PBX3: variants seen among roughly 807,000 people sequenced by gnomAD.
PBX3 encodes pre-B-cell leukemia transcription factor 3.
A neutral mutation model predicts 48.5 loss-of-function variants in PBX3; 14 were observed. The observed-to-expected ratio is 0.29, with a 90% confidence interval of 0.19 to 0.45. The LOEUF is 0.45. PBX3 is among the 20% of genes least tolerant of loss of function. The pLI is 1.00. For synonymous variants in PBX3, 210 were observed against 200.3 expected (o/e 1.05, Z -0.41); for missense variants, 386 against 546.7 (o/e 0.71, Z 2.93).
chr9:125,843,738 C>T (rs1839349761), intron 2 of PBX3: 3 of 447,322 alleles, frequency 6.7e-6, no homozygotes, highest in South Asian at 3.2e-5. Flanking sequence ...CATGGTGCAG[C>T]GAGGTCATAA....
At chr9:125,924,860 G>A (rs563546879) in intron 3 of PBX3, among the ~76,000 whole-genome samples, 20 of 152,236 alleles carry the variant, frequency 1.3e-4, no homozygotes, top group Non-Finnish European at 2.2e-4. Context: ...CCTTGGCATG[G>A]AAGGCTTACT....
At chr9:125,840,597 C>G (rs994274780) in intron 2 of PBX3, among the ~76,000 whole-genome samples, 1 of 151,756 alleles carries the variant, frequency 6.6e-6, no homozygotes, top group Non-Finnish European at 1.5e-5. Flanking sequence ...CTTAACTCCT[C>G]GATCTCCTTG....
intron 2 of PBX3, among the ~76,000 whole-genome samples, chr9:125,846,359 A>T (rs1839426204): frequency 6.6e-6 from 1 of 152,052 alleles, no homozygotes; most frequent in Admixed American, 6.6e-5. Context: ...TATGTTGGTG[A>T]ATGTATAGGG....
At chr9:125,945,347 A>G (rs1241624907) in intron 5 of PBX3, among the ~76,000 whole-genome samples, 1 of 152,132 alleles carries the variant, frequency 6.6e-6, no homozygotes, top group Non-Finnish European at 1.5e-5. Context: ...AATAGTAATT[A>G]TTGTTACGCA....
At chr9:125,882,690 A>T (rs1840409482) in intron 2 of PBX3, among the ~76,000 whole-genome samples, 2 of 152,220 alleles carry the variant, frequency 1.3e-5, no homozygotes, top group Admixed American at 1.3e-4. Flanking sequence ...TGGATATTAG[A>T]TGGTAGAAGT....
At chr9:125,907,469 CTT>C (rs1841101277) in intron 2 of PBX3, among the ~76,000 whole-genome samples, 1 of 151,976 alleles carries the variant, frequency 6.6e-6, no homozygotes, top group East Asian at 1.9e-4. Context: ...TAAAAAAAGA[CTT>C]TAATTCATAT....
chr9:125,814,541 C>G (rs1019282140), intron 2 of PBX3, among the ~76,000 whole-genome samples: 5 of 152,152 alleles, frequency 3.3e-5, no homozygotes, highest in African/African-American at 1.2e-4. Context: ...TTCCCATTAA[C>G]AGATAGATGC....
In PBX3 at chr9:125,962,112, TTC is replaced by T; in HGVS notation, c.1022_1023del (p.Ser341PhefsTer2). On this transcript the variant is annotated frameshift_variant, in exon 7 of 9. Coordinates refer to ENST00000373489, the MANE Select transcript of PBX3 (RefSeq NM_006195.6). LOFTEE classifies it high-confidence loss of function. The part of the protein sequence containing the change: ...PTTPNSGSSG[S>X]FNLPNSGDMF... ...CTCTTTCCTTTCCAGGTTCTTCTGG[TTC>T]TTTTAACCTCCCAAATTCTGGGGAC... 1 of 1,592,712 alleles carries T rather than the reference TTC, an allele frequency of 6.3e-7. No homozygotes were observed. The highest frequency in any genetic ancestry group is 8.6e-7 in the Non-Finnish European group (1 of 1,160,578).
intron 2 of PBX3, among the ~76,000 whole-genome samples, chr9:125,762,526 C>T (rs1836697713): frequency 6.6e-6 from 1 of 152,044 alleles, no homozygotes; most frequent in East Asian, 1.9e-4. Context: ...ATTAAGTCCC[C>T]CTGCCATTAT....
At chr9:125,818,430 G>A (rs1838537015) in intron 2 of PBX3, among the ~76,000 whole-genome samples, 1 of 151,774 alleles carries the variant, frequency 6.6e-6, no homozygotes, top group South Asian at 2.1e-4. Flanking sequence ...TGCCTCCTGG[G>A]TTCAATTGAT....
At chr9:125,818,492 G>C (rs1412401960) in intron 2 of PBX3, among the ~76,000 whole-genome samples, 1 of 151,434 alleles carries the variant, frequency 6.6e-6, no homozygotes, top group East Asian at 2.0e-4. Context: ...GTGCCACCAC[G>C]CCCGGCTAAT....
At chr9:125,899,053 T>A (rs1308801640) in intron 2 of PBX3, among the ~76,000 whole-genome samples, 6 of 150,948 alleles carry the variant, frequency 4.0e-5, no homozygotes, top group Non-Finnish European at 8.9e-5. Context: ...AAAAGAAACA[T>A]CTGTGGTGTT....
chr9:125,891,391 T>C (rs1443081870), intron 2 of PBX3, among the ~76,000 whole-genome samples: 1 of 152,238 alleles, frequency 6.6e-6, no homozygotes, highest in South Asian at 2.1e-4. Flanking sequence ...CATTTGTGAC[T>C]TAGAAAATGG....
chr9:125,892,931 G>A (rs1840683622), intron 2 of PBX3, among the ~76,000 whole-genome samples: 1 of 152,082 alleles, frequency 6.6e-6, no homozygotes, highest in Non-Finnish European at 1.5e-5. Flanking sequence ...GCCTCGCTGT[G>A]CTCCCCTGTG....
At chr9:125,908,435 A>C (rs1841126534) in intron 2 of PBX3, among the ~76,000 whole-genome samples, 1 of 152,094 alleles carries the variant, frequency 6.6e-6, no homozygotes, top group South Asian at 2.1e-4. Context: ...GAATGGGGGA[A>C]CACAAGGATT....
At chr9:125,860,385 C>T (rs1839832324) in intron 2 of PBX3, among the ~76,000 whole-genome samples, 1 of 152,136 alleles carries the variant, frequency 6.6e-6, no homozygotes, top group South Asian at 2.1e-4. Context: ...AGTTGGATAT[C>T]AGTAAATGGT....
chr9:125,935,806 A>G (rs1841823253), intron 5 of PBX3, among the ~76,000 whole-genome samples, 199 bp downstream of exon 5: 1 of 152,244 alleles, frequency 6.6e-6, no homozygotes. Context: ...GCGAAGAATC[A>G]AGACCACCAC....
intron 2 of PBX3, among the ~76,000 whole-genome samples, chr9:125,904,485 T>TAA (rs1841023767): frequency 6.6e-6 from 1 of 151,938 alleles, no homozygotes; most frequent in Non-Finnish European, 1.5e-5. Context: ...TTGTTTGTTT[T>TAA]AGCTGCCTTC....
At chr9:125,810,365 AGTGTGTGTGTGTGT>A (rs113025234) in intron 2 of PBX3, among the ~76,000 whole-genome samples, 3 of 145,412 alleles carry the variant, frequency 2.1e-5, no homozygotes, top group Non-Finnish European at 4.6e-5. Context: ...AGCAGGAATG[AGTGTGTGTGTGTGT>A]GTGTGTGTGT....
Sources: gnomAD v4.1 joint callset for allele counts (sites outside exome capture counted in the v4.1 genomes callset) on GRCh38, gnomAD v4.1.1 for gene constraint, MANE v1.5 for transcripts, NCBI Gene and HGNC (gene_info 2026-07-23, HGNC 2026-07-21) for gene names.